The following GOPC variants were observed in gnomAD, a reference collection of about 807,000 sequenced individuals.
The protein encoded by GOPC is Golgi-associated PDZ and coiled-coil motif-containing protein.
A neutral mutation model predicts 51.2 loss-of-function variants in GOPC; 32 were observed. That is an observed-to-expected ratio of 0.63 (90% CI 0.47 to 0.84). The LOEUF (loss-of-function observed/expected upper bound fraction) is 0.84, where lower values mean the gene tolerates loss of function less well. GOPC is among the 40% of genes least tolerant of loss of function. The pLI is 0.00. For synonymous variants in GOPC, 190 were observed against 205.1 expected (o/e 0.93, Z 0.63); for missense variants, 441 against 555.5 (o/e 0.79, Z 2.07).
At chr6:117,598,544 G>A (rs959562872) in intron 1 of GOPC, among the ~76,000 whole-genome samples, 25 of 152,160 alleles carry the variant, frequency 1.6e-4, no homozygotes, top group Admixed American at 6.5e-4. Context: ...AGGACAGCGT[G>A]GGGATGGTTT....
intron 1 of GOPC, among the ~76,000 whole-genome samples, chr6:117,597,322 C>G (rs1022958619): frequency 3.9e-5 from 6 of 152,130 alleles, no homozygotes; most frequent in Non-Finnish European, 7.3e-5. Flanking sequence ...ACTATCATGT[C>G]ATCAGCAAAC....
At position 117,560,286 on chromosome 6, in the gene GOPC, A is replaced by C. The variant is rs1779557623; in HGVS notation, c.*2968T>G. The C allele has an allele frequency of 1.1e-5, 2 of 175,366 alleles. No individual in the cohort carries two copies. The highest frequency in any genetic ancestry group is 2.5e-5 in the Non-Finnish European group (2 of 81,074). 10.9% of individuals were successfully genotyped at this position (175,366 alleles called of 1,614,324 possible). On this transcript the variant is annotated 3_prime_UTR_variant, in exon 9 of 9. Transcript: ENST00000368498. ...CCAAAATATTTAACGTCAAGGAAAC[A>C]AAATGTTTATTTAAAAAAATGAGAT...
intron 6 of GOPC, among the ~76,000 whole-genome samples, 194 bp downstream of exon 6, chr6:117,570,666 C>T (rs1475589806): frequency 1.3e-5 from 2 of 152,080 alleles, no homozygotes; most frequent in African/African-American, 2.4e-5. Context: ...ACTAAAGGTA[C>T]ACTTAATAGT....
chr6:117,590,886 G>A (rs1369306131), intron 1 of GOPC, among the ~76,000 whole-genome samples: 4 of 151,998 alleles, frequency 2.6e-5, no homozygotes, highest in Admixed American at 6.6e-5. Context: ...GGAGTCTCAC[G>A]CCGTTGCCCA....
At chr6:117,595,427 A>G (rs1263349123) in intron 1 of GOPC, among the ~76,000 whole-genome samples, 3 of 152,250 alleles carry the variant, frequency 2.0e-5, no homozygotes, top group South Asian at 2.1e-4. Context: ...TTTCTGGGGA[A>G]CAGGTGGGGT....
chr6:117,566,289 C>T (rs1354751632), intron 8 of GOPC, among the ~76,000 whole-genome samples: 1 of 152,138 alleles, frequency 6.6e-6, no homozygotes, highest in Non-Finnish European at 1.5e-5. Flanking sequence ...TAAAATATCT[C>T]AGAGACCCTC....
intron 1 of GOPC, among the ~76,000 whole-genome samples, chr6:117,584,969 CAGA>C (rs982285055): frequency 2.0e-5 from 3 of 152,160 alleles, no homozygotes; most frequent in Admixed American, 2.0e-4. Flanking sequence ...AGGACCTCAC[CAGA>C]AGATGCTGGC....
chr6:117,593,292 C>G (rs1008590690), intron 1 of GOPC, among the ~76,000 whole-genome samples: 1 of 151,990 alleles, frequency 6.6e-6, no homozygotes, highest in Non-Finnish European at 1.5e-5. Context: ...CAACCTCCTA[C>G]TGTCTGCTCC....
intron 6 of GOPC, 83 bp from the exon 7 acceptor site, chr6:117,569,819 A>G: frequency 2.2e-6 from 3 of 1,378,526 alleles, no homozygotes; most frequent in Non-Finnish European, 2.9e-6. Flanking sequence ...ATATTTTCTT[A>G]AAAATATATT....
intron 1 of GOPC, among the ~76,000 whole-genome samples, chr6:117,601,198 T>TA (rs1491515905): frequency 6.6e-6 from 1 of 152,330 alleles, no homozygotes; most frequent in African/African-American, 2.4e-5. Context: ...TCTTGATTTC[T>TA]AAATATTTTA....
intron 1 of GOPC, among the ~76,000 whole-genome samples, chr6:117,586,844 T>C (rs1367622387): frequency 1.3e-5 from 2 of 152,138 alleles, no homozygotes; most frequent in Non-Finnish European, 2.9e-5. Flanking sequence ...GTGACAAAAG[T>C]CAAGAAGAAA....
intron 8 of GOPC, among the ~76,000 whole-genome samples, chr6:117,564,579 TG>T (rs1333943184): frequency 3.3e-5 from 5 of 152,162 alleles, no homozygotes; most frequent in Non-Finnish European, 7.3e-5. Flanking sequence ...TATAGACGTG[TG>T]AAACAATAAC....
At chr6:117,566,229 A>G (rs1293953955) in intron 8 of GOPC, among the ~76,000 whole-genome samples, 1 of 152,198 alleles carries the variant, frequency 6.6e-6, no homozygotes, top group Non-Finnish European at 1.5e-5. Flanking sequence ...AAAAAAAGAC[A>G]AATGATGTCT....
At chr6:117,594,549 A>G (rs1038570828) in intron 1 of GOPC, among the ~76,000 whole-genome samples, 9 of 152,164 alleles carry the variant, frequency 5.9e-5, no homozygotes, top group Non-Finnish European at 1.0e-4. Flanking sequence ...TCTCCATTGT[A>G]TCCTAAGTGC....
intron 1 of GOPC, among the ~76,000 whole-genome samples, chr6:117,593,025 C>G (rs1245178422): frequency 6.6e-6 from 1 of 152,156 alleles, no homozygotes; most frequent in Non-Finnish European, 1.5e-5. Context: ...GTGCCTGTAC[C>G]TAAACAGATA....
chr6:117,595,927 TG>T (rs1431005746), intron 1 of GOPC, among the ~76,000 whole-genome samples: 1 of 152,214 alleles, frequency 6.6e-6, no homozygotes, highest in Non-Finnish European at 1.5e-5. Flanking sequence ...GGAGTGGGGT[TG>T]CTGGATCAAA....
chr6:117,593,246 T>C (rs1018419849), intron 1 of GOPC, among the ~76,000 whole-genome samples: 4 of 151,720 alleles, frequency 2.6e-5, no homozygotes, highest in Non-Finnish European at 4.4e-5. Flanking sequence ...GCTCCTATTT[T>C]ACAGAAAAAA....
At chr6:117,598,244 C>T (rs1780231517) in intron 1 of GOPC, among the ~76,000 whole-genome samples, 1 of 150,932 alleles carries the variant, frequency 6.6e-6, no homozygotes, top group Non-Finnish European at 1.5e-5. Flanking sequence ...TATAGTAGCT[C>T]ATGCCTGTAG....
intron 1 of GOPC, among the ~76,000 whole-genome samples, chr6:117,600,138 C>T (rs755068103): frequency 9.2e-5 from 14 of 152,130 alleles, no homozygotes; most frequent in African/African-American, 1.2e-4. Flanking sequence ...GGCCAGATCT[C>T]GAGAAGTCGA....
Sources: allele counts gnomAD v4.1 joint callset (sites outside exome capture counted in the v4.1 genomes callset), GRCh38; gene constraint gnomAD v4.1.1; transcripts MANE v1.5; gene names NCBI Gene and HGNC (gene_info 2026-07-23, HGNC 2026-07-21).